Variants in NOS1 observed in about 807,000 individuals in gnomAD.
NOS1 encodes NOS type I.
Under a neutral mutation model 164.5 loss-of-function variants are expected in NOS1, and 51 were observed. The observed-to-expected ratio is 0.31, with a 90% CI of 0.25 to 0.39. The LOEUF is 0.39. Ranked by LOEUF, NOS1 falls within the 10% of genes least tolerant of loss-of-function variation. NOS1 has a pLI of 1.00. For synonymous variants in NOS1, 719 were observed against 745.8 expected, an observed-to-expected ratio of 0.96 and a Z score of 0.59; for missense variants, 1,362 against 1,885.6, an observed-to-expected ratio of 0.72 and a Z score of 5.14.
chr12:117,242,639 C>T lies in NOS1; in HGVS notation c.3029G>A (p.Ser1010Asn). 3 of 1,614,072 alleles carry T rather than the reference C, an allele frequency of 1.9e-6. No homozygotes were observed. The highest frequency in any genetic ancestry group is 2.5e-6 in the Non-Finnish European group (3 of 1,179,960). Residue 1010 changes from serine to asparagine, a missense_variant, in exon 20 of 29, where the codon AGC becomes AAC. Ser to Asn is a conservative substitution (Grantham distance 46). Around this residue, in one of 4 missense-constraint regions of NOS1, gnomAD observed 737 missense variants for 1,030.3 expected, o/e 0.72. Coordinates refer to ENST00000317775, the MANE Select transcript of NOS1 (RefSeq NM_000620.5). ...ARLLSRQNLQ[S>N]PKSSRSTIFV... The stretch of plus-strand genomic sequence containing the variant: ...AAGATGTTCCTACCTGGATTTAGGG[C>T]TCTGGAGGTTTTGACGGCTAAGGAG...
intron 13 of NOS1, among the ~76,000 whole-genome samples, chr12:117,262,881 T>A (rs1356480000): frequency 6.6e-6 from 1 of 152,094 alleles, no homozygotes; most frequent in African/African-American, 2.4e-5. Context: ...CACTCCTCAG[T>A]AGTCTCAGGC....
rs34385734 is a variant in NOS1, at chr12:117,243,548, A to ACCATCCATCCAT, written c.2824-125_2824-114dup. On this transcript the variant is annotated intron_variant, in intron 18 of 28. Transcript: ENST00000317775. The surrounding 1 kb of genome is among the most constrained non-coding windows in gnomAD (Gnocchi z 4.3). The stretch of plus-strand genomic sequence containing the variant: ...ATTCACCCATCCATCCATCTATCCA[A>ACCATCCATCCAT]CCATCCATCCATCCATCCATCCATC... The ACCATCCATCCAT allele has an allele frequency of 6.9e-3, 4,059 of 587,912 alleles. 54 individuals carry two copies. The highest frequency in any genetic ancestry group is 0.035 in the East Asian group (1,108 of 31,650). 36.4% of individuals were successfully genotyped at this position (587,912 alleles called of 1,614,324 possible). A position where few individuals can be genotyped will look rare whatever the true frequency, so the allele number is the denominator to read the frequency against.
rs562947947 is a variant in NOS1, at chr12:117,208,786, C to T, written c.*6523G>A. 2.2e-5 allele frequency: 21 copies of T among 941,854 alleles called. No individual in the cohort carries two copies. In the Admixed American group the frequency reaches 2.4e-4, roughly 11 times the overall value. The allele number at this position is 941,854 out of a possible 1,614,324, so 58.3% of individuals were successfully genotyped here. A position where few individuals can be genotyped will look rare whatever the true frequency, so the allele number is the denominator to read the frequency against. On this transcript the variant is annotated 3_prime_UTR_variant, in exon 29 of 29. Coordinates refer to ENST00000317775, the MANE Select transcript of NOS1 (RefSeq NM_000620.5). ...TCAACAAGCTGGAGTGCAGTGGTGC[C>T]ATCTCGGCTCACTGCAGCCTCTGCC...
intron 20 of NOS1, among the ~76,000 whole-genome samples, chr12:117,236,289 C>A (rs180834913): frequency 6.6e-5 from 10 of 152,256 alleles, no homozygotes; most frequent in Non-Finnish European, 1.2e-4. Flanking sequence ...TAAATCAACA[C>A]TTGAATAGCC....
intron 18 of NOS1, among the ~76,000 whole-genome samples, chr12:117,246,649 C>A (rs1267317687): frequency 6.6e-6 from 1 of 152,136 alleles, no homozygotes; most frequent in Non-Finnish European, 1.5e-5. Flanking sequence ...TCCCCATAAC[C>A]CCTAGCAACC....
intron 1 of NOS1, among the ~76,000 whole-genome samples, chr12:117,345,211 T>A (rs1470061758): frequency 1.3e-5 from 2 of 152,062 alleles, no homozygotes; most frequent in Non-Finnish European, 2.9e-5. Flanking sequence ...TTAGTGGAGA[T>A]GGGATTTTGC....
At chr12:117,336,817 G>C (rs1209957478) in intron 1 of NOS1, among the ~76,000 whole-genome samples, 3 of 151,922 alleles carry the variant, frequency 2.0e-5, no homozygotes, top group Non-Finnish European at 2.9e-5. Context: ...TTTTTTGTGA[G>C]ACAGGGTCTC....
At chr12:117,232,947 A>T (rs908515775) in intron 21 of NOS1, among the ~76,000 whole-genome samples, 1 of 150,632 alleles carries the variant, frequency 6.6e-6, no homozygotes, top group South Asian at 2.1e-4. Context: ...AACTCACTGT[A>T]GCCTTGAACT....
chr12:117,323,844 C>T lies in NOS1; in HGVS notation c.725+6501G>A, dbSNP rs563495301. On this transcript the variant is annotated intron_variant, in intron 2 of 28. Coordinates refer to ENST00000317775, the MANE Select transcript of NOS1 (RefSeq NM_000620.5). Reference sequence around the variant, plus strand: ...TCACGCAGGCTGGAGTGCAGTGAGGCGATTTCAACTCACTGCAATCTCTGC... The same window carrying T: ...TCACGCAGGCTGGAGTGCAGTGAGGTGATTTCAACTCACTGCAATCTCTGC... 2.1e-3 allele frequency among the ~76,000 whole-genome samples: 326 copies of T among 152,170 alleles called. 2 individuals carry two copies. The highest frequency in any genetic ancestry group is 7.3e-3 in the African/African-American group (305 of 41,498).
rs1869498800 is a variant in NOS1 at position 117,234,088 on chromosome 12, G to A, written c.3235+477C>T. 6.6e-6 allele frequency among the ~76,000 whole-genome samples: 1 copy of A among 152,162 alleles called. No individual in the cohort carries two copies. The highest frequency in any genetic ancestry group is 1.5e-5 in the Non-Finnish European group (1 of 68,032). On this transcript the variant is annotated intron_variant, in intron 21 of 28. Coordinates refer to ENST00000317775, the MANE Select transcript of NOS1 (RefSeq NM_000620.5). The surrounding 1 kb of genome is among the most constrained non-coding windows in gnomAD (Gnocchi z 4.3). ...ATGAATGTCAAGGATGGACACTTAA[G>A]CAGGCGAGAACTTGACCTAATGAGG... is the stretch of plus-strand genomic sequence containing the variant.
chr12:117,225,266 C>A, intron 24 of NOS1, 129 bp from the exon 25 acceptor site: 1 of 1,224,236 alleles, frequency 8.2e-7, no homozygotes, highest in Non-Finnish European at 1.1e-6. Flanking sequence ...TCAGCCGGGG[C>A]CAGGTGCCCC....
chr12:117,286,298 A>C, intron 5 of NOS1, 32 bp from the exon 6 acceptor site: 1 of 1,610,124 alleles, frequency 6.2e-7, no homozygotes, highest in Non-Finnish European at 8.5e-7. Context: ...TGGGAACATC[A>C]CCCCCTCTTC....
At chr12:117,345,701 A>G (rs1238587277) in intron 1 of NOS1, among the ~76,000 whole-genome samples, 3 of 152,338 alleles carry the variant, frequency 2.0e-5, no homozygotes, top group Middle Eastern at 3.4e-3. Context: ...GCTTTTATCA[A>G]TTAACACTTA....
At chr12:117,248,148 T>G (rs1354705681) in intron 17 of NOS1, among the ~76,000 whole-genome samples, 1 of 151,800 alleles carries the variant, frequency 6.6e-6, no homozygotes. Flanking sequence ...ATCTTGGACT[T>G]GTGGCTTCCA....
At chr12:117,225,463 T>C (rs1264780020) in intron 24 of NOS1, among the ~76,000 whole-genome samples, 1 of 152,124 alleles carries the variant, frequency 6.6e-6, no homozygotes. Flanking sequence ...GTCCTATGCA[T>C]GGTAGGGTAT....
At chr12:117,235,191 T>G (rs41399550) in intron 20 of NOS1, among the ~76,000 whole-genome samples, 59 of 152,232 alleles carry the variant, frequency 3.9e-4, no homozygotes, top group African/African-American at 1.4e-3. Context: ...GTGCTAGGAT[T>G]ACAAGTAAGG....
chr12:117,224,478 G>A (rs968389631), intron 25 of NOS1, among the ~76,000 whole-genome samples: 2 of 152,026 alleles, frequency 1.3e-5, no homozygotes, highest in African/African-American at 4.8e-5. Context: ...GTAAAGACAG[G>A]GTTTCACCGT....
chr12:117,251,905 A>G (rs947402628), intron 17 of NOS1, among the ~76,000 whole-genome samples: 6 of 144,932 alleles, frequency 4.1e-5, no homozygotes, highest in African/African-American at 1.3e-4. Flanking sequence ...CTAAGTTTTT[A>G]TATTTTTGGT....
At chr12:117,300,805 C>T (rs1873767320) in intron 3 of NOS1, among the ~76,000 whole-genome samples, 1 of 152,070 alleles carries the variant, frequency 6.6e-6, no homozygotes, top group South Asian at 2.1e-4. Flanking sequence ...TTGGGGCATC[C>T]TCCTACAGAG....
Sources: gnomAD v4.1 joint callset for allele counts (sites outside exome capture counted in the v4.1 genomes callset) on GRCh38, gnomAD v4.1.1 for gene constraint, gnomAD v4.1.1 regional missense constraint, Gnocchi (gnomAD v3.1) non-coding constraint, MANE v1.5 for transcripts, NCBI Gene and HGNC (gene_info 2026-07-23, HGNC 2026-07-21) for gene names.